Variants in MAGI2 observed in about 807,000 individuals in gnomAD.
MAGI2 encodes the protein membrane associated guanylate kinase, WW and PDZ domain containing 2.
Under a neutral mutation model 133.3 loss-of-function variants are expected in MAGI2, and 35 were observed. The ratio of observed to expected loss-of-function variants is 0.26; its 90% CI spans 0.20 to 0.35. The LOEUF (loss-of-function observed/expected upper bound fraction) is 0.35, where lower values mean the gene tolerates loss of function less well. Ranked by LOEUF, MAGI2 falls within the 10% of genes least tolerant of loss-of-function variation. The pLI, the probability that MAGI2 is intolerant of heterozygous loss-of-function variation, is 1.00. For synonymous variants in MAGI2, 729 were observed against 710.6 expected (o/e 1.03, Z -0.41); for missense variants, 1,636 against 1,863.4 (o/e 0.88, Z 2.25).
intron 2 of MAGI2, among the ~76,000 whole-genome samples, chr7:78,892,328 C>T (rs530387674): frequency 6.6e-6 from 1 of 152,216 alleles, no homozygotes; most frequent in East Asian, 1.9e-4. Context: ...AGATTCAATG[C>T]CATCCCCATC....
chr7:79,203,015 A>G (rs1828745377), intron 1 of MAGI2, among the ~76,000 whole-genome samples: 2 of 152,086 alleles, frequency 1.3e-5, no homozygotes, highest in Non-Finnish European at 2.9e-5. Context: ...CTGGCCCACA[A>G]ACTTTTTGCC....
intron 2 of MAGI2, among the ~76,000 whole-genome samples, chr7:78,958,326 A>AAATGGGT (rs1482323773): frequency 6.6e-6 from 1 of 152,098 alleles, no homozygotes; most frequent in Non-Finnish European, 1.5e-5. Context: ...GAGATGACAT[A>AAATGGGT]GGCTTTCAGT....
At chr7:79,038,425 G>A (rs1044511676) in intron 1 of MAGI2, among the ~76,000 whole-genome samples, 10 of 151,848 alleles carry the variant, frequency 6.6e-5, no homozygotes, top group African/African-American at 2.2e-4. Context: ...TGATAATTTT[G>A]TACCCTTTTT....
chr7:79,065,715 C>T (rs1414187498), intron 1 of MAGI2, among the ~76,000 whole-genome samples: 3 of 152,086 alleles, frequency 2.0e-5, no homozygotes, highest in African/African-American at 7.2e-5. Flanking sequence ...TCCCCTAGCC[C>T]CACACCCCAT....
chr7:79,025,775 C>T (rs541748218), intron 1 of MAGI2, among the ~76,000 whole-genome samples: 1 of 152,244 alleles, frequency 6.6e-6, no homozygotes, highest in South Asian at 2.1e-4. Flanking sequence ...GAGACTGATC[C>T]TATACCAACG....
intron 3 of MAGI2, among the ~76,000 whole-genome samples, chr7:78,564,154 CTG>C (rs200954570): frequency 0.03 from 4,530 of 152,200 alleles, 105 homozygotes; most frequent in Non-Finnish European, 0.041. Context: ...GTAAGGATAA[CTG>C]TGGAAGAATC....
intron 10 of MAGI2, among the ~76,000 whole-genome samples, chr7:78,227,588 T>C (rs1371818650): frequency 6.6e-6 from 1 of 152,256 alleles, no homozygotes; most frequent in Non-Finnish European, 1.5e-5. Flanking sequence ...CCTCTCACTT[T>C]TATTTGCATC....
At chr7:78,492,920 T>C (rs948061313) in intron 5 of MAGI2, among the ~76,000 whole-genome samples, 2 of 152,214 alleles carry the variant, frequency 1.3e-5, no homozygotes, top group Admixed American at 6.6e-5. Context: ...ATCATACTAA[T>C]ATACTACTTC....
At chr7:78,455,512 C>T (rs943155875) in intron 6 of MAGI2, among the ~76,000 whole-genome samples, 3 of 152,112 alleles carry the variant, frequency 2.0e-5, no homozygotes, top group Non-Finnish European at 4.4e-5. Context: ...AACTTTTCAA[C>T]CAGTTTTAAA....
intron 1 of MAGI2, among the ~76,000 whole-genome samples, chr7:79,084,912 A>G (rs1816352976): frequency 6.6e-6 from 1 of 151,752 alleles, no homozygotes; most frequent in Non-Finnish European, 1.5e-5. Flanking sequence ...CTTGAGCTTC[A>G]TGATTTTCGA....
intron 2 of MAGI2, among the ~76,000 whole-genome samples, chr7:78,690,886 G>C (rs979108379): frequency 6.6e-6 from 1 of 152,128 alleles, no homozygotes; most frequent in African/African-American, 2.4e-5. Flanking sequence ...ATTCCTTCCC[G>C]ATCTTAAATC....
At chr7:78,663,677 G>T (rs998400544) in intron 2 of MAGI2, among the ~76,000 whole-genome samples, 1 of 152,108 alleles carries the variant, frequency 6.6e-6, no homozygotes, top group Admixed American at 6.6e-5. Context: ...CCATGTCAAT[G>T]GGTAAATTTC....
intron 3 of MAGI2, among the ~76,000 whole-genome samples, chr7:78,565,949 G>T (rs775697487): frequency 6.6e-6 from 1 of 152,040 alleles, no homozygotes; most frequent in Non-Finnish European, 1.5e-5. Context: ...TCCCTGCCTC[G>T]GTTTAGTCAT....
chr7:78,988,742 G>A (rs1003210279), intron 2 of MAGI2, among the ~76,000 whole-genome samples: 1 of 152,012 alleles, frequency 6.6e-6, no homozygotes, highest in South Asian at 2.1e-4. Context: ...ACTGACCACC[G>A]TGTAATCACC....
chr7:78,789,390 G>C (rs539732249), intron 2 of MAGI2, among the ~76,000 whole-genome samples: 1 of 152,088 alleles, frequency 6.6e-6, no homozygotes, highest in Non-Finnish European at 1.5e-5. Flanking sequence ...TCCTCTTACT[G>C]GTGCATGCTT....
At chr7:78,436,161 G>T (rs1404112165) in intron 6 of MAGI2, among the ~76,000 whole-genome samples, 1 of 152,150 alleles carries the variant, frequency 6.6e-6, no homozygotes, top group African/African-American at 2.4e-5. Context: ...TGGTCAAGGG[G>T]CTGCATTTGC....
chr7:78,768,348 A>G (rs553516882), intron 2 of MAGI2, among the ~76,000 whole-genome samples: 1 of 152,300 alleles, frequency 6.6e-6, no homozygotes, highest in East Asian at 1.9e-4. Flanking sequence ...AATTTCCCCA[A>G]AGCACACCAT....
At chr7:79,038,390 C>T (rs1318346744) in intron 1 of MAGI2, among the ~76,000 whole-genome samples, 1 of 151,932 alleles carries the variant, frequency 6.6e-6, no homozygotes, top group African/African-American at 2.4e-5. Flanking sequence ...GTGTTTTAAT[C>T]CATTGTTATT....
intron 1 of MAGI2, among the ~76,000 whole-genome samples, chr7:79,066,766 A>G (rs1814381420): frequency 6.6e-6 from 1 of 152,124 alleles, no homozygotes; most frequent in Non-Finnish European, 1.5e-5. Flanking sequence ...TCTTTAATCT[A>G]TCTTGAGTTC....
Sources: gnomAD v4.1 joint callset for allele counts (sites outside exome capture counted in the v4.1 genomes callset) on GRCh38, gnomAD v4.1.1 for gene constraint, MANE v1.5 for transcripts, NCBI Gene and HGNC (gene_info 2026-07-23, HGNC 2026-07-21) for gene names.